The following MEGF8 variants were observed in gnomAD, a reference collection of about 807,000 sequenced individuals.
MEGF8 encodes the protein multiple epidermal growth factor-like domains protein 8.
In MEGF8, 156 loss-of-function variants were observed where a neutral mutation model predicts 302.9. The observed-to-expected ratio is 0.52, with a 90% confidence interval of 0.45 to 0.59. The LOEUF is 0.59. Ranked by LOEUF, MEGF8 falls within the 20% of genes least tolerant of loss-of-function variation. MEGF8 has a pLI of 0.00. For synonymous variants in MEGF8, 1,621 were observed against 1,660.5 expected (o/e 0.98, Z 0.58); for missense variants, 3,345 against 3,964.5 (o/e 0.84, Z 4.20).
intron 41 of MEGF8, among the ~76,000 whole-genome samples, chr19:42,372,124 C>T (rs557503679): frequency 6.6e-5 from 10 of 152,116 alleles, no homozygotes; most frequent in African/African-American, 2.2e-4. Context: ...AATGTATTGA[C>T]TCTTAGAACT....
chr19:42,326,309 C>T lies in MEGF8; in HGVS notation c.66C>T (p.Ser22=). ...VLALAVLGSL[S]PGARAGDCKG... ...CCTTGGCCGTGCTGGGGTCGCTGTCCCCTGGGGCCCGGGCGGGGGACTGCA... is the reference window on the plus strand; with the variant it reads ...CCTTGGCCGTGCTGGGGTCGCTGTCTCCTGGGGCCCGGGCGGGGGACTGCA... Residue 22 remains serine, a synonymous_variant, in exon 1 of 42, where the codon TCC becomes TCT. Transcript: ENST00000251268. The T allele has an allele frequency of 6.4e-7, 1 of 1,562,626 alleles. No individual in the cohort carries two copies. The highest frequency in any genetic ancestry group is 2.1e-5 in the Admixed American group (1 of 47,072).
chr19:42,326,315 G>T lies in MEGF8; in HGVS notation c.72G>T (p.Gly24=). ...CCGTGCTGGGGTCGCTGTCCCCTGG[G>T]GCCCGGGCGGGGGACTGCAAGGGGC... The part of the protein sequence containing the change: ...ALAVLGSLSP[G]ARAGDCKGQR... Residue 24 remains glycine (G), a synonymous_variant, in exon 1 of 42, where the codon GGG becomes GGT. Transcript: ENST00000251268. 1 of 1,564,510 alleles carries T rather than the reference G, an allele frequency of 6.4e-7. No homozygotes were observed. The highest frequency in any genetic ancestry group is 1.2e-5 in the South Asian group (1 of 84,490).
At chr19:42,343,774 G>T in intron 9 of MEGF8, 143 bp downstream of exon 9, 1 of 1,363,390 alleles carries the variant, frequency 7.3e-7, no homozygotes, top group Non-Finnish European at 9.7e-7. Context: ...GAGGTCCCTG[G>T]GGCAGAGGAA....
Position 42,369,702 on chromosome 19 carries a change from G to A in MEGF8, c.6813G>A (p.Leu2271=). The stretch of plus-strand genomic sequence containing the variant: ...GTGTTGGGGCGCGTGACCACTGCTT[G>A]CTCTGCCGCAACCACACCAAGGTGG... ...CAGVGARDHC[L]LCRNHTKGSH... The change falls in exon 38 of 42, where the codon TTG becomes TTA. Residue 2271 remains leucine (L), a synonymous_variant. Coordinates refer to ENST00000251268, the MANE Select transcript of MEGF8 (RefSeq NM_001271938.2). This position sits in a 1 kb window ranked among gnomAD's most constrained non-coding sequence, Gnocchi z 5.7. The A allele has an allele frequency of 6.2e-7, 1 of 1,608,766 alleles. No homozygotes were observed.
intron 13 of MEGF8, among the ~76,000 whole-genome samples, chr19:42,349,090 A>T (rs1020172367): frequency 5.3e-5 from 8 of 152,148 alleles, no homozygotes; most frequent in African/African-American, 1.7e-4. Flanking sequence ...GCCTGAACCC[A>T]GAAGTTTGGG....
rs1173896318 is a variant in MEGF8, at chr19:42,354,198, G to T, written c.4011+174G>T. ...CCAGCACTTTGTTCCTAGGCCCACA[G>T]ACAGACCCCCCCATTTCCCAGATAG... On this transcript the variant is annotated intron_variant, in intron 22 of 41. Transcript: ENST00000251268. This position sits in a 1 kb window ranked among gnomAD's most constrained non-coding sequence, Gnocchi z 4.3. Among the ~76,000 whole-genome samples the T allele has an allele frequency of 1.3e-5, 2 of 150,440 alleles. No homozygotes were observed. The highest frequency in any genetic ancestry group is 3.0e-5 in the Non-Finnish European group (2 of 67,776).
rs905868603 is a variant in MEGF8 at position 42,375,330 on chromosome 19, T to C, written c.7270-177T>C. 6.6e-6 allele frequency among the ~76,000 whole-genome samples: 1 copy of C among 152,012 alleles called. No individual in the cohort carries two copies. The highest frequency in any genetic ancestry group is 2.4e-5 in the African/African-American group (1 of 41,384). Reference sequence around the variant, plus strand: ...GCTGGAGTGCCAGGTCCTGGCAAGGTCTACACTGTGGCAGAGAAGGTCCGG... The same window carrying C: ...GCTGGAGTGCCAGGTCCTGGCAAGGCCTACACTGTGGCAGAGAAGGTCCGG... On this transcript the variant is annotated intron_variant, in intron 41 of 41. Transcript: ENST00000251268. The surrounding 1 kb of genome is among the most constrained non-coding windows in gnomAD (Gnocchi z 7.1).
intron 41 of MEGF8, among the ~76,000 whole-genome samples, 181 bp downstream of exon 41, chr19:42,371,663 A>G (rs2147512245): frequency 1.3e-5 from 2 of 152,304 alleles, no homozygotes; most frequent in South Asian, 4.1e-4. Flanking sequence ...CTAGGCAGTG[A>G]TGCTGGGGAC....
Position 42,358,216 on chromosome 19 carries a change from A to G in MEGF8, c.5084A>G (p.His1695Arg). Residue 1695 changes from histidine (H) to arginine (R), a missense_variant, in exon 29 of 42, where the codon CAT (histidine) becomes CGT (arginine). Transcript: ENST00000251268. This position sits in a 1 kb window ranked among gnomAD's most constrained non-coding sequence, Gnocchi z 4.4. ...TACGTGTTTGGGGGGTTCCGATTCC[A>G]TGTGGAGCTGGCGGCCCCATCCCCC... is the stretch of plus-strand genomic sequence containing the variant. ...SLYVFGGFRF[H>R]VELAAPSPEL... 1 of 1,604,444 alleles carries G rather than the reference A, an allele frequency of 6.2e-7. No individual in the cohort carries two copies. Among genetic ancestry groups the G allele is most frequent in the Non-Finnish European group, 8.5e-7 (1 of 1,175,946 alleles).
rs376239471 is a variant in MEGF8 at position 42,355,753 on chromosome 19, C to T, written c.4145-5C>T. 3.6e-5 allele frequency: 57 copies of T among 1,571,828 alleles called. No individual in the cohort carries two copies. Among genetic ancestry groups the T allele is most frequent in the Non-Finnish European group, 4.9e-5 (57 of 1,156,292 alleles). ...GCTACCAGCCTCTGGCCTCTCTCTT[C>T]ACAGGGCTGCTCGTGCTGCACTGGG... On this transcript the variant is annotated splice_polypyrimidine_tract_variant and splice_region_variant and intron_variant, in intron 23 of 41. Coordinates refer to ENST00000251268, the MANE Select transcript of MEGF8 (RefSeq NM_001271938.2).
chr19:42,353,913 C>T lies in MEGF8; in HGVS notation c.3900C>T (p.Ser1300=), dbSNP rs774753718. 1 of 1,591,608 alleles carries T rather than the reference C, an allele frequency of 6.3e-7. No individual in the cohort carries two copies. Among genetic ancestry groups the T allele is most frequent in the Non-Finnish European group, 8.6e-7 (1 of 1,169,364 alleles). The change falls in exon 22 of 42, where the codon TCC becomes TCT. Residue 1300 remains serine (S), a synonymous_variant. Coordinates refer to ENST00000251268, the MANE Select transcript of MEGF8 (RefSeq NM_001271938.2). This position sits in a 1 kb window ranked among gnomAD's most constrained non-coding sequence, Gnocchi z 6.1. ...CTGCAAGAGCCGGGCCTGGCCTGTC[C>T]TACTGTGTGTGGGTTGTCTCGGCCA... ...GGAARAGPGL[S]YCVWVVSATE...
In MEGF8 at chr19:42,368,477, C is replaced by A; in HGVS notation, c.6296C>A (p.Pro2099His). ...CAGTGTCTGAGCCCTTCCTACCTGC[C>A]CCTGCGATGTATGGCCGGAGGCTGT... ...LQQCLSPSYL[P>H]LRCMAGGCGR... Residue 2099 changes from proline (P) to histidine (H), a missense_variant, in exon 36 of 42, where the codon CCC becomes CAC. Pro to His is a moderately conservative substitution (Grantham distance 77). Coordinates refer to ENST00000251268, the MANE Select transcript of MEGF8 (RefSeq NM_001271938.2). The surrounding 1 kb of genome is among the most constrained non-coding windows in gnomAD (Gnocchi z 4.9). 6.2e-7 allele frequency: 1 copy of A among 1,609,624 alleles called. No homozygotes were observed. Among genetic ancestry groups the A allele is most frequent in the East Asian group, 2.2e-5 (1 of 44,764 alleles).
intron 8 of MEGF8, among the ~76,000 whole-genome samples, chr19:42,339,444 G>A (rs2039181899): frequency 6.6e-6 from 1 of 152,106 alleles, no homozygotes; most frequent in Admixed American, 6.6e-5. Context: ...TTGTGGTTTT[G>A]ATTTGCATTT....
At chr19:42,372,692 A>G (rs1371695760) in intron 41 of MEGF8, among the ~76,000 whole-genome samples, 1 of 151,370 alleles carries the variant, frequency 6.6e-6, no homozygotes, top group African/African-American at 2.4e-5. Flanking sequence ...TTTTTTTTGG[A>G]CACAGAGTAT....
Position 42,336,765 on chromosome 19 carries a change from C to G in MEGF8, c.1245-42C>G. 2 of 1,532,154 alleles carry G rather than the reference C, an allele frequency of 1.3e-6. No individual in the cohort carries two copies. Among genetic ancestry groups the G allele is most frequent in the South Asian group, 1.3e-5 (1 of 77,522 alleles). The allele number at this position is 1,532,154 out of a possible 1,614,324, so 94.9% of individuals were successfully genotyped here. A position where few individuals can be genotyped will look rare whatever the true frequency, so the allele number is the denominator to read the frequency against. On this transcript the variant is annotated intron_variant, in intron 6 of 41. Coordinates refer to ENST00000251268, the MANE Select transcript of MEGF8 (RefSeq NM_001271938.2). This position sits in a 1 kb window ranked among gnomAD's most constrained non-coding sequence, Gnocchi z 4.8. ...TAAGAGCCTGGAGGAGGGAGAGAGA[C>G]GCTTCCTGCCCTGAGCCCCTGCCCT...
At chr19:42,343,344 T>G in intron 8 of MEGF8, 133 bp from the exon 9 acceptor site, 3 of 916,340 alleles carry the variant, frequency 3.3e-6, no homozygotes, top group Non-Finnish European at 3.1e-6. Context: ...GCTGGGAGAG[T>G]GTCCTTGGGC....
Position 42,357,430 on chromosome 19 carries a change from C to T in MEGF8, c.4857C>T (p.Ala1619=), listed in dbSNP as rs143507034. 8.9e-5 allele frequency: 144 copies of T among 1,613,634 alleles called. No individual in the cohort carries two copies. The highest frequency in any genetic ancestry group is 1.1e-4 in the East Asian group (5 of 44,872). Residue 1619 remains alanine (A), a synonymous_variant, in exon 28 of 42, where the codon GCC becomes GCT. Transcript: ENST00000251268. This position sits in a 1 kb window ranked among gnomAD's most constrained non-coding sequence, Gnocchi z 5.2. ...EKAPQTVELP[A]VAGHTLTARR... is the part of the protein sequence containing the mutation. ...CCCCCCAGACCGTGGAGCTGCCAGCCGTTGCTGGTCACACCCTTACTGCCC... is the reference window on the plus strand; with the variant it reads ...CCCCCCAGACCGTGGAGCTGCCAGCTGTTGCTGGTCACACCCTTACTGCCC...
Position 42,354,118 on chromosome 19 carries a change from GTT to G in MEGF8, c.4011+106_4011+107del, listed in dbSNP as rs36065839. The G allele has an allele frequency of 5.6e-4, 639 of 1,141,198 alleles. No homozygotes were observed. The highest frequency in any genetic ancestry group is 1.7e-3 in the South Asian group (92 of 54,540). 70.7% of individuals were successfully genotyped at this position (1,141,198 alleles called of 1,614,324 possible). Reference sequence around the variant, plus strand: ...CTCAGACCCTGACCCTAGTATTGCTGTTTTTTTTTTTTTGTTTTTTTAATCCT... The same window carrying G: ...CTCAGACCCTGACCCTAGTATTGCTGTTTTTTTTTTTGTTTTTTTAATCCT... On this transcript the variant is annotated intron_variant, in intron 22 of 41. Coordinates refer to ENST00000251268, the MANE Select transcript of MEGF8 (RefSeq NM_001271938.2). This position sits in a 1 kb window ranked among gnomAD's most constrained non-coding sequence, Gnocchi z 4.3.
intron 1 of MEGF8, among the ~76,000 whole-genome samples, chr19:42,330,666 G>A (rs1775172768): frequency 1.3e-5 from 2 of 152,326 alleles, no homozygotes; most frequent in Admixed American, 6.5e-5. Context: ...GGGCAATGCT[G>A]CAGAGGGAAT....
Sources: gnomAD v4.1 joint callset for allele counts (sites outside exome capture counted in the v4.1 genomes callset) on GRCh38, gnomAD v4.1.1 for gene constraint, Gnocchi (gnomAD v3.1) non-coding constraint, MANE v1.5 for transcripts, NCBI Gene and HGNC (gene_info 2026-07-23, HGNC 2026-07-21) for gene names.